Variants in MAP2K5 observed in about 807,000 individuals in gnomAD.
MAP2K5 encodes the protein dual specificity mitogen-activated protein kinase kinase 5.
Under a neutral mutation model 83.1 loss-of-function variants are expected in MAP2K5, and 49 were observed. That is an observed-to-expected ratio of 0.59 (90% CI 0.47 to 0.75). MAP2K5 has a LOEUF of 0.75. Ranked by LOEUF, MAP2K5 falls within the 30% of genes least tolerant of loss-of-function variation. The pLI is 0.00. For synonymous variants in MAP2K5, 202 were observed against 191.8 expected, an observed-to-expected ratio of 1.05 and a Z score of -0.44; for missense variants, 457 against 557.5, an observed-to-expected ratio of 0.82 and a Z score of 1.82.
intron 8 of MAP2K5, among the ~76,000 whole-genome samples, chr15:67,614,567 T>A (rs2141051992): frequency 1.3e-5 from 2 of 152,320 alleles, no homozygotes; most frequent in South Asian, 4.1e-4. Context: ...GCTTCTCTGT[T>A]TGCCCACTAC....
At chr15:67,670,344 A>C in intron 13 of MAP2K5, 3 of 453,142 alleles carry the variant, frequency 6.6e-6, no homozygotes, top group Non-Finnish European at 1.3e-5. Flanking sequence ...AAAGGCATGA[A>C]GGAACATTTT....
At position 67,722,709 on chromosome 15, in the gene MAP2K5, C is replaced by G. The variant is rs1048042823; in HGVS notation, c.1045-5207C>G. On this transcript the variant is annotated intron_variant, in intron 16 of 21. Coordinates refer to ENST00000178640, the MANE Select transcript of MAP2K5 (RefSeq NM_145160.3). This position sits in a 1 kb window ranked among gnomAD's most constrained non-coding sequence, Gnocchi z 4.2. ...ATTTTATGTAATCCAGTAGTTAAGT[C>G]TGATTTTTTAAAGTTTCCCTGTGTC... Among the ~76,000 whole-genome samples the G allele has an allele frequency of 6.6e-6, 1 of 152,092 alleles. No homozygotes were observed. The highest frequency in any genetic ancestry group is 2.4e-5 in the African/African-American group (1 of 41,416).
At chr15:67,609,516 TA>T (rs1567307114) in intron 8 of MAP2K5, among the ~76,000 whole-genome samples, 1 of 119,094 alleles carries the variant, frequency 8.4e-6, no homozygotes, top group Admixed American at 7.8e-5. Flanking sequence ...AGACCTATTC[TA>T]TAGGTCTGTA....
At chr15:67,657,208 T>C (rs2043722665) in intron 11 of MAP2K5, among the ~76,000 whole-genome samples, 1 of 152,192 alleles carries the variant, frequency 6.6e-6, no homozygotes, top group African/African-American at 2.4e-5. Context: ...GTTGAAACCA[T>C]TGTCCATTTA....
At position 67,671,725 on chromosome 15, in the gene MAP2K5, A is replaced by G. The variant is rs1424086698; in HGVS notation, c.847+7080A>G. On this transcript the variant is annotated intron_variant, in intron 13 of 21. Coordinates refer to ENST00000178640, the MANE Select transcript of MAP2K5 (RefSeq NM_145160.3). ...TGTGCACAATGTGCAGGTTAGTTGC[A>G]TATGTATACATGTGCCATGCTGGTG... Among the ~76,000 whole-genome samples the G allele has an allele frequency of 2.0e-5, 3 of 151,396 alleles. No individual in the cohort carries two copies. The East Asian group carries it at 5.8e-4, about 29-fold the overall frequency.
At chr15:67,669,029 C>T (rs1313750541) in intron 13 of MAP2K5, among the ~76,000 whole-genome samples, 1 of 152,090 alleles carries the variant, frequency 6.6e-6, no homozygotes, top group Non-Finnish European at 1.5e-5. Context: ...ATTTTCTACC[C>T]TTGGCTTTTC....
chr15:67,630,700 A>G (rs1220594191), intron 8 of MAP2K5, among the ~76,000 whole-genome samples, 188 bp from the exon 9 acceptor site: 1 of 152,218 alleles, frequency 6.6e-6, no homozygotes, highest in Non-Finnish European at 1.5e-5. Context: ...TTTTAAGGTA[A>G]TGTATAGTAA....
intron 9 of MAP2K5, among the ~76,000 whole-genome samples, chr15:67,634,027 A>G (rs908736418): frequency 6.6e-6 from 1 of 152,042 alleles, no homozygotes; most frequent in Non-Finnish European, 1.5e-5. Flanking sequence ...GACTTATATT[A>G]TGGCTCAGAA....
At chr15:67,618,319 G>A (rs920256579) in intron 8 of MAP2K5, among the ~76,000 whole-genome samples, 13 of 152,278 alleles carry the variant, frequency 8.5e-5, no homozygotes, top group Middle Eastern at 3.4e-3. Flanking sequence ...CTTACTGTTT[G>A]TACCTTCTCG....
At chr15:67,661,415 T>C (rs916015785) in intron 12 of MAP2K5, among the ~76,000 whole-genome samples, 2 of 152,120 alleles carry the variant, frequency 1.3e-5, no homozygotes, top group African/African-American at 2.4e-5. Context: ...GAGCGAGTGA[T>C]TGACAACAGA....
rs746926291 is a variant in MAP2K5 at position 67,806,660 on chromosome 15, C to T, written c.1257C>T (p.Ile419=). 35 of 1,550,872 alleles carry T rather than the reference C, an allele frequency of 2.3e-5. No individual in the cohort carries two copies. The highest frequency in any genetic ancestry group is 1.4e-5 in the African/African-American group (1 of 73,068). Residue 419 remains isoleucine (I), a synonymous_variant, in exon 22 of 22, where the codon ATC becomes ATT. Transcript: ENST00000178640. ...APEELMGHPF[I]VQFNDGNAAV... ...CTTCCCCGCAGGGCCACCCGTTCAT[C>T]GTGCAGTTCAATGATGGAAATGCCG...
rs1464644196 is a variant in MAP2K5 at position 67,724,151 on chromosome 15, G to T, written c.1045-3765G>T. Among the ~76,000 whole-genome samples, 2 of 152,044 alleles carry T rather than the reference G, an allele frequency of 1.3e-5. No homozygotes were observed. Among genetic ancestry groups the T allele is most frequent in the Non-Finnish European group, 2.9e-5 (2 of 68,020 alleles). ...ATTTAGTACAGTGACATATCTGCAG[G>T]CCATTTCAGAGAAGATTACATACTC... On this transcript the variant is annotated intron_variant, in intron 16 of 21. Coordinates refer to ENST00000178640, the MANE Select transcript of MAP2K5 (RefSeq NM_145160.3). The surrounding 1 kb of genome is among the most constrained non-coding windows in gnomAD (Gnocchi z 4.4).
rs2084730873 is a variant in MAP2K5 at position 67,561,278 on chromosome 15, G to A, written c.185-2005G>A. The stretch of plus-strand genomic sequence containing the variant: ...TGTACTTTGTTTTTTCCTGTCTCCT[G>A]CATTTTTAAGAAAACTTTCGCCTTA... On this transcript the variant is annotated intron_variant, in intron 2 of 21. Coordinates refer to ENST00000178640, the MANE Select transcript of MAP2K5 (RefSeq NM_145160.3). The surrounding 1 kb of genome is among the most constrained non-coding windows in gnomAD (Gnocchi z 4.2). Among the ~76,000 whole-genome samples the A allele has an allele frequency of 6.6e-6, 1 of 152,042 alleles. No homozygotes were observed. The highest frequency in any genetic ancestry group is 2.1e-4 in the South Asian group (1 of 4,826).
At chr15:67,633,810 A>G (rs1471866236) in intron 9 of MAP2K5, among the ~76,000 whole-genome samples, 1 of 152,222 alleles carries the variant, frequency 6.6e-6, no homozygotes, top group Non-Finnish European at 1.5e-5. Context: ...TAGTTTAGGC[A>G]AAAACCATGT....
chr15:67,577,148 G>C lies in MAP2K5; in HGVS notation c.253-3606G>C, dbSNP rs1165747327. 6.6e-6 allele frequency among the ~76,000 whole-genome samples: 1 copy of C among 151,702 alleles called. No homozygotes were observed. Among genetic ancestry groups the C allele is most frequent in the East Asian group, 1.9e-4 (1 of 5,170 alleles). ...GACGGGGTTTCACCTTGTTAGCCGG[G>C]ATGGTCTCGATCTCCTGACCTCATG... On this transcript the variant is annotated intron_variant, in intron 3 of 21. Transcript: ENST00000178640. This position sits in a 1 kb window ranked among gnomAD's most constrained non-coding sequence, Gnocchi z 4.1.
At chr15:67,628,797 T>C (rs1487799216) in intron 8 of MAP2K5, 3 of 752,024 alleles carry the variant, frequency 4.0e-6, no homozygotes, top group Admixed American at 1.7e-5. Context: ...GGAGGTGTTT[T>C]TAGTGGGAAT....
Position 67,802,391 on chromosome 15 carries a change from G to T in MAP2K5, c.1243-4255G>T, listed in dbSNP as rs1393013927. 6.6e-6 allele frequency among the ~76,000 whole-genome samples: 1 copy of T among 152,174 alleles called. No individual in the cohort carries two copies. The highest frequency in any genetic ancestry group is 2.4e-5 in the African/African-American group (1 of 41,440). On this transcript the variant is annotated intron_variant, in intron 21 of 21. Coordinates refer to ENST00000178640, the MANE Select transcript of MAP2K5 (RefSeq NM_145160.3). This position sits in a 1 kb window ranked among gnomAD's most constrained non-coding sequence, Gnocchi z 5.0. ...GAGGGTGTCTGCCCAGGTGATGCCGGCACCTCCCGACTCTCCCCTGTGTCC... is the reference window on the plus strand; with the variant it reads ...GAGGGTGTCTGCCCAGGTGATGCCGTCACCTCCCGACTCTCCCCTGTGTCC...
At position 67,747,994 on chromosome 15, in the gene MAP2K5, A is replaced by G. The variant is rs2089640198; in HGVS notation, c.1075-237A>G. 2.6e-5 allele frequency among the ~76,000 whole-genome samples: 4 copies of G among 152,224 alleles called. No individual in the cohort carries two copies. Among genetic ancestry groups the G allele is most frequent in the Admixed American group, 2.0e-4 (3 of 15,274 alleles). ...GAAATGGATTATGGTTTTTCTCCCT[A>G]TTCTAATACAACCTGGAGGGTACTA... On this transcript the variant is annotated intron_variant, in intron 17 of 21. Coordinates refer to ENST00000178640, the MANE Select transcript of MAP2K5 (RefSeq NM_145160.3). This position sits in a 1 kb window ranked among gnomAD's most constrained non-coding sequence, Gnocchi z 4.1.
intron 9 of MAP2K5, among the ~76,000 whole-genome samples, chr15:67,633,585 T>C (rs1238039620): frequency 6.6e-6 from 1 of 152,240 alleles, no homozygotes; most frequent in Non-Finnish European, 1.5e-5. Context: ...AAGTAGAGAC[T>C]GTCAGTAAAT....
Sources: gnomAD v4.1 joint callset for allele counts (sites outside exome capture counted in the v4.1 genomes callset) on GRCh38, gnomAD v4.1.1 for gene constraint, Gnocchi (gnomAD v3.1) non-coding constraint, MANE v1.5 for transcripts, NCBI Gene and HGNC (gene_info 2026-07-23, HGNC 2026-07-21) for gene names.